The following SCRG1 variants were observed in gnomAD, a reference collection of about 807,000 sequenced individuals.
SCRG1 encodes the protein stimulator of chondrogenesis 1, also known as scrapie-responsive protein 1.
Under a neutral mutation model 7.7 loss-of-function variants are expected in SCRG1, and 3 were observed. The observed-to-expected ratio is 0.39, with a 90% CI of 0.18 to 1.01. The LOEUF is 1.01. SCRG1 is among the 50% of genes least tolerant of loss of function. SCRG1 has a pLI of 0.36. For synonymous variants in SCRG1, 46 were observed against 41.2 expected, an observed-to-expected ratio of 1.12 and a Z score of -0.44; for missense variants, 110 against 117.2, an observed-to-expected ratio of 0.94 and a Z score of 0.28.
chr4:173,512,768 G>A, the SCRG1 span, among the ~76,000 whole-genome samples: 1 of 152,154 alleles, frequency 6.6e-6, no homozygotes, highest in Non-Finnish European at 1.5e-5. Flanking sequence ...GGAGAGTCAA[G>A]GTCACTCACA....
At chr4:173,394,372 C>T (rs767698058) in intron 1 of SCRG1, among the ~76,000 whole-genome samples, 7 of 152,054 alleles carry the variant, frequency 4.6e-5, no homozygotes, top group Non-Finnish European at 1.0e-4. Context: ...TGGCCAGGCG[C>T]AGTGGCTCAC....
chr4:173,479,006 TAA>T, the SCRG1 span, among the ~76,000 whole-genome samples: 1 of 152,324 alleles, frequency 6.6e-6, no homozygotes, highest in South Asian at 2.1e-4. Context: ...TACTCTATAC[TAA>T]GAGTCTACTA....
At chr4:173,441,166 G>C in the SCRG1 span, among the ~76,000 whole-genome samples, 1 of 152,256 alleles carries the variant, frequency 6.6e-6, no homozygotes, top group Admixed American at 6.5e-5. Context: ...ATCCTGAAGG[G>C]TAAATGAAAG....
At chr4:173,451,415 C>T in the SCRG1 span, among the ~76,000 whole-genome samples, 1 of 151,862 alleles carries the variant, frequency 6.6e-6, no homozygotes, top group East Asian at 1.9e-4. Context: ...CAGAAAGCTG[C>T]CTGAATTTTA....
chr4:173,442,596 G>C, the SCRG1 span, among the ~76,000 whole-genome samples: 1 of 152,152 alleles, frequency 6.6e-6, no homozygotes, highest in Non-Finnish European at 1.5e-5. Context: ...ATTTGTCTTA[G>C]TCTGTTTTCT....
At chr4:173,457,814 C>A in the SCRG1 span, among the ~76,000 whole-genome samples, 77 of 152,300 alleles carry the variant, frequency 5.1e-4, no homozygotes, top group Non-Finnish European at 1.0e-3. Flanking sequence ...ATAGGTGCTG[C>A]TCATCCTGTA....
the SCRG1 span, among the ~76,000 whole-genome samples, chr4:173,442,551 G>A: frequency 6.6e-6 from 1 of 152,164 alleles, no homozygotes; most frequent in Non-Finnish European, 1.5e-5. Flanking sequence ...GATGGGATAG[G>A]AATTTGAAGA....
At chr4:173,497,057 G>A in the SCRG1 span, among the ~76,000 whole-genome samples, 2 of 152,106 alleles carry the variant, frequency 1.3e-5, no homozygotes, top group Admixed American at 6.5e-5. Flanking sequence ...AGTGAGCTGA[G>A]ATCACACCAC....
At chr4:173,438,296 A>AT in the SCRG1 span, among the ~76,000 whole-genome samples, 14 of 140,552 alleles carry the variant, frequency 1.0e-4, no homozygotes, top group South Asian at 2.9e-3. Flanking sequence ...TTTTTTTTGT[A>AT]TTTTTTTGTA....
chr4:173,507,508 C>A, the SCRG1 span, among the ~76,000 whole-genome samples: 1 of 152,230 alleles, frequency 6.6e-6, no homozygotes, highest in Non-Finnish European at 1.5e-5. This position sits in a 1 kb window ranked among gnomAD's most constrained non-coding sequence, Gnocchi z 4.4. Flanking sequence ...CCCGGCCTGG[C>A]CCTGTTCTTT....
chr4:173,451,615 ATTTTAT>A, the SCRG1 span, among the ~76,000 whole-genome samples: 2 of 93,638 alleles, frequency 2.1e-5, no homozygotes, highest in Non-Finnish European at 5.2e-5. Context: ...ATTTTATTTT[ATTTTAT>A]TTTACTTACT....
At chr4:173,414,124 A>G in the SCRG1 span, among the ~76,000 whole-genome samples, 27 of 152,286 alleles carry the variant, frequency 1.8e-4, no homozygotes, top group East Asian at 3.3e-3. Context: ...ACCCAGCAAC[A>G]CAGACAAAAT....
rs1739423290 is a variant in SCRG1 at position 173,391,095 on chromosome 4, A to T, written c.242+78T>A. ...ACTAAAAGGGTTATTAATTTCAGCA[A>T]ACCTATTATGAAGATGTAGCTAAAA... is the stretch of plus-strand genomic sequence containing the variant. On this transcript the variant is annotated intron_variant, in intron 2 of 2. Transcript: ENST00000296506. 2.7e-6 allele frequency: 4 copies of T among 1,488,104 alleles called. No homozygotes were observed. The Admixed American group carries it at 6.8e-5, about 25-fold the overall frequency. 92.2% of individuals were successfully genotyped at this position (1,488,104 alleles called of 1,614,324 possible).
At chr4:173,390,678 G>A (rs566395929) in intron 2 of SCRG1, among the ~76,000 whole-genome samples, 20 of 151,964 alleles carry the variant, frequency 1.3e-4, no homozygotes, top group Non-Finnish European at 2.5e-4. Flanking sequence ...TGCATAGAAC[G>A]GGGTTTCACC....
chr4:173,433,226 A>G, the SCRG1 span, among the ~76,000 whole-genome samples: 2 of 152,224 alleles, frequency 1.3e-5, no homozygotes, highest in African/African-American at 4.8e-5. Context: ...TTGGGGGGAA[A>G]GGAATTCACA....
chr4:173,445,368 G>T, the SCRG1 span, among the ~76,000 whole-genome samples: 1 of 151,968 alleles, frequency 6.6e-6, no homozygotes, highest in Non-Finnish European at 1.5e-5. Flanking sequence ...GGATCACAAG[G>T]TCAGGAGTTC....
At chr4:173,418,617 T>C in the SCRG1 span, among the ~76,000 whole-genome samples, 3 of 152,198 alleles carry the variant, frequency 2.0e-5, no homozygotes, top group Non-Finnish European at 4.4e-5. Context: ...TCTGTGAAAA[T>C]GGACACTACT....
At chr4:173,448,296 T>C in the SCRG1 span, among the ~76,000 whole-genome samples, 1 of 152,232 alleles carries the variant, frequency 6.6e-6, no homozygotes, top group Non-Finnish European at 1.5e-5. Flanking sequence ...TCTGCCATGC[T>C]CTTGAGCATC....
chr4:173,411,593 T>A, the SCRG1 span, among the ~76,000 whole-genome samples: 58 of 152,340 alleles, frequency 3.8e-4, no homozygotes, highest in African/African-American at 1.4e-3. Context: ...ATAAATGTAT[T>A]TCTATAAATC....
Sources: gnomAD v4.1 joint callset for allele counts (sites outside exome capture counted in the v4.1 genomes callset) on GRCh38, gnomAD v4.1.1 for gene constraint, Gnocchi (gnomAD v3.1) non-coding constraint, MANE v1.5 for transcripts, NCBI Gene and HGNC (gene_info 2026-07-23, HGNC 2026-07-21) for gene names.